LCOR: variants seen among roughly 807,000 people sequenced by gnomAD.
LCOR encodes the protein ligand dependent nuclear receptor corepressor.
A neutral mutation model predicts 64.4 loss-of-function variants in LCOR; 14 were observed. The observed-to-expected ratio is 0.22, with a 90% CI of 0.14 to 0.34. The LOEUF is 0.34. Ranked by LOEUF, LCOR falls within the 10% of genes least tolerant of loss-of-function variation. The pLI is 1.00. For missense variants in LCOR, 1,686 were observed against 1,765.3 expected (o/e 0.96, Z 0.80); for synonymous variants, 643 against 642.5 (o/e 1.00, Z -0.01).
chr10:96,938,085 C>G (rs7906294), intron 4 of LCOR, among the ~76,000 whole-genome samples: 30,649 of 152,048 alleles, frequency 0.2, 5,443 homozygotes, highest in African/African-American at 0.48. Context: ...CAAGTAGGTG[C>G]GACCACAGAT....
intron 2 of LCOR, among the ~76,000 whole-genome samples, chr10:96,852,477 A>G (rs1774529111): frequency 6.6e-6 from 1 of 152,230 alleles, no homozygotes; most frequent in African/African-American, 2.4e-5. Flanking sequence ...TAAGGCACAT[A>G]TGAAACGTAA....
At chr10:96,835,719 T>G (rs933058676) in intron 2 of LCOR, among the ~76,000 whole-genome samples, 12 of 152,234 alleles carry the variant, frequency 7.9e-5, no homozygotes, top group Admixed American at 2.6e-4. Context: ...TTACAGCAGT[T>G]TGGATTAAAA....
intron 2 of LCOR, among the ~76,000 whole-genome samples, chr10:96,839,766 A>G (rs1174567030): frequency 6.6e-6 from 1 of 152,056 alleles, no homozygotes; most frequent in East Asian, 1.9e-4. Flanking sequence ...GCTTATTGCA[A>G]CCTCTGTCTT....
chr10:96,968,565 TAAAG>T (rs1210905291), intron 7 of LCOR, among the ~76,000 whole-genome samples: 1 of 152,090 alleles, frequency 6.6e-6, no homozygotes, highest in Non-Finnish European at 1.5e-5. Context: ...AAAGCCCTCA[TAAAG>T]GAGGTGAGTT....
intron 7 of LCOR, chr10:96,955,411 C>T (rs768383739): frequency 1.9e-6 from 3 of 1,614,184 alleles, no homozygotes; most frequent in Admixed American, 1.7e-5. Flanking sequence ...ATGGATCTTT[C>T]TTGGGAGTCT....
At chr10:96,885,412 C>T (rs778043401) in intron 2 of LCOR, among the ~76,000 whole-genome samples, 1 of 152,018 alleles carries the variant, frequency 6.6e-6, no homozygotes, top group Non-Finnish European at 1.5e-5. Context: ...GACAGGCTTT[C>T]ACTCTGTTTC....
At chr10:96,955,124 A>G (rs144343982) in intron 7 of LCOR, 99 of 1,614,146 alleles carry the variant, frequency 6.1e-5, no homozygotes, top group African/African-American at 2.1e-4. Flanking sequence ...GCAGAAACCA[A>G]TTGTCCACAG....
chr10:96,899,039 T>A (rs1427181713), intron 2 of LCOR, among the ~76,000 whole-genome samples: 1 of 152,208 alleles, frequency 6.6e-6, no homozygotes, highest in Non-Finnish European at 1.5e-5. Flanking sequence ...AACCGAGGTC[T>A]CTATTTAACC....
At position 96,987,179 on chromosome 10, in the gene LCOR, G is replaced by T. The variant is rs1019130445; in HGVS notation, c.*2045G>T. On this transcript the variant is annotated 3_prime_UTR_variant, in exon 8 of 8. Transcript: ENST00000421806. ...TTTCTCAGCATTAAGTTGCACAGAG[G>T]CATTAATGTGTTTTGAATAGGTTCA... is the stretch of plus-strand genomic sequence containing the variant. The T allele has an allele frequency of 2.0e-5, 3 of 152,120 alleles. No homozygotes were observed. Among genetic ancestry groups the T allele is most frequent in the Non-Finnish European group, 4.4e-5 (3 of 68,034 alleles). The allele number at this position is 152,120 out of a possible 1,614,324, so 9.4% of individuals were successfully genotyped here.
intron 5 of LCOR, among the ~76,000 whole-genome samples, chr10:96,948,488 G>A (rs1483478634): frequency 1.3e-5 from 2 of 152,190 alleles, no homozygotes; most frequent in Non-Finnish European, 2.9e-5. Flanking sequence ...ATTAAAGTGT[G>A]AGAATGATTG....
At chr10:96,900,961 G>A (rs1038042330) in intron 2 of LCOR, among the ~76,000 whole-genome samples, 1 of 151,202 alleles carries the variant, frequency 6.6e-6, no homozygotes, top group African/African-American at 2.4e-5. Context: ...AGGCCAAGGC[G>A]GGCGGATCAC....
intron 4 of LCOR, among the ~76,000 whole-genome samples, chr10:96,933,545 G>C (rs182836582): frequency 7.2e-5 from 11 of 152,134 alleles, no homozygotes; most frequent in African/African-American, 2.7e-4. Context: ...TTTTGAGATG[G>C]AGTCTCGCTC....
At position 96,850,491 on chromosome 10, in the gene LCOR, T is replaced by C. The variant is rs140675858; in HGVS notation, c.-330+17012T>C. On this transcript the variant is annotated intron_variant, in intron 2 of 7. Coordinates refer to ENST00000421806, the MANE Select transcript of LCOR (RefSeq NM_001346516.2). ...GAGATATGGCATTAAATTATTATTTTTTATTTATTTATTTTTTTGAGACAG... is the reference window on the plus strand; with the variant it reads ...GAGATATGGCATTAAATTATTATTTCTTATTTATTTATTTTTTTGAGACAG... Among the ~76,000 whole-genome samples the C allele has an allele frequency of 4.2e-3, 644 of 152,286 alleles. 3 individuals are homozygous for C. The highest frequency in any genetic ancestry group is 0.019 in the South Asian group (93 of 4,822).
chr10:96,932,415 G>T (rs1016439034), intron 4 of LCOR, among the ~76,000 whole-genome samples: 2 of 151,904 alleles, frequency 1.3e-5, no homozygotes, highest in Admixed American at 6.6e-5. Context: ...AGTAATCAGA[G>T]AAGTGCAAAT....
intron 2 of LCOR, among the ~76,000 whole-genome samples, chr10:96,875,106 C>G (rs1846140889): frequency 6.6e-6 from 1 of 151,798 alleles, no homozygotes; most frequent in Admixed American, 6.6e-5. Context: ...CTAAAATGGC[C>G]AGGTGTGGTG....
intron 4 of LCOR, chr10:96,915,649 C>A: frequency 1.1e-6 from 1 of 881,868 alleles, no homozygotes; most frequent in Non-Finnish European, 1.9e-6. Context: ...ATCTGCAGCA[C>A]CTTCAGCTTT....
intron 2 of LCOR, among the ~76,000 whole-genome samples, chr10:96,891,846 A>G (rs1012543110): frequency 3.9e-5 from 6 of 151,984 alleles, no homozygotes; most frequent in Non-Finnish European, 8.8e-5. Flanking sequence ...CCTAGCCTGT[A>G]GTTACTTTTT....
At chr10:96,905,603 C>G (rs1044217978) in intron 2 of LCOR, among the ~76,000 whole-genome samples, 1 of 151,950 alleles carries the variant, frequency 6.6e-6, no homozygotes, top group African/African-American at 2.4e-5. Flanking sequence ...ACCCCCACAG[C>G]CCTACCCCAA....
At chr10:96,833,277 C>T (rs913919760) in intron 1 of LCOR, 129 bp from the exon 2 acceptor site, 1 of 953,132 alleles carries the variant, frequency 1.0e-6, no homozygotes, top group African/African-American at 1.8e-5. Flanking sequence ...CCTCCCGGAC[C>T]TTGGGCCGCC....
Sources: allele counts gnomAD v4.1 joint callset (sites outside exome capture counted in the v4.1 genomes callset), GRCh38; gene constraint gnomAD v4.1.1; transcripts MANE v1.5; gene names NCBI Gene and HGNC (gene_info 2026-07-23, HGNC 2026-07-21).